The following RAD21L1 variants were observed in gnomAD, a reference collection of about 807,000 sequenced individuals.
RAD21L1 encodes RAD21 cohesin complex component like 1, also known as double-strand-break repair protein rad21-like protein 1.
A neutral mutation model predicts 69.0 loss-of-function variants in RAD21L1; 47 were observed. The ratio of observed to expected loss-of-function variants is 0.68; its 90% CI spans 0.54 to 0.87. RAD21L1 has a LOEUF of 0.87. Ranked by LOEUF, RAD21L1 falls within the 40% of genes least tolerant of loss-of-function variation. The pLI is 0.00. For missense variants in RAD21L1, 583 were observed against 647.6 expected (o/e 0.90, Z 1.08); for synonymous variants, 177 against 205.8 (o/e 0.86, Z 1.20).
Position 1,243,094 on chromosome 20 carries a change from C to T in RAD21L1, c.1084-3C>T, listed in dbSNP as rs1301162230. 3 of 1,499,862 alleles carry T rather than the reference C, an allele frequency of 2.0e-6. No individual in the cohort carries two copies. Among genetic ancestry groups the T allele is most frequent in the Non-Finnish European group, 2.7e-6 (3 of 1,119,838 alleles). 92.9% of individuals were successfully genotyped at this position (1,499,862 alleles called of 1,614,324 possible). A position where few individuals can be genotyped will look rare whatever the true frequency, so the allele number is the denominator to read the frequency against. On this transcript the variant is annotated splice_polypyrimidine_tract_variant and splice_region_variant and intron_variant, in intron 9 of 13. Transcript: ENST00000683101. ...AAAAAAACAAAAATGTGTATTTTTA[C>T]AGTTGTTTACAAAATGCTTTCTGTC...
chr20:1,237,786 A>C (rs2087530381), intron 5 of RAD21L1, among the ~76,000 whole-genome samples: 1 of 152,180 alleles, frequency 6.6e-6, no homozygotes, highest in African/African-American at 2.4e-5. Flanking sequence ...AAGTTATTAA[A>C]CTATATCACA....
intron 13 of RAD21L1, among the ~76,000 whole-genome samples, chr20:1,250,011 C>T (rs1480141882): frequency 1.5e-5 from 2 of 133,624 alleles, no homozygotes; most frequent in Admixed American, 7.7e-5. Context: ...CCCCCTCCCC[C>T]GACCCCATGA....
At chr20:1,249,528 C>T (rs2087784547) in intron 13 of RAD21L1, among the ~76,000 whole-genome samples, 2 of 152,152 alleles carry the variant, frequency 1.3e-5, no homozygotes, top group South Asian at 4.1e-4. Flanking sequence ...TTCTCAAGAT[C>T]CAAAATGGCT....
At position 1,254,310 on chromosome 20, in the gene RAD21L1, G is replaced by A. The variant is rs1482831769; in HGVS notation, c.1521G>A (p.Lys507=). ...KMGMQSFSLM[K]LCRNSDRKQA... ...GAATGCAGTCCTTTAGTCTGATGAAGCTCTGTAGAAATAGTGACCGAAAAC... is the reference window on the plus strand; with the variant it reads ...GAATGCAGTCCTTTAGTCTGATGAAACTCTGTAGAAATAGTGACCGAAAAC... The change falls in exon 14 of 14, where the codon AAG becomes AAA. Residue 507 remains lysine, a synonymous_variant. Coordinates refer to ENST00000683101, the MANE Select transcript of RAD21L1 (RefSeq NM_001384355.1). The A allele has an allele frequency of 8.4e-6, 13 of 1,550,484 alleles. No homozygotes were observed. The highest frequency in any genetic ancestry group is 1.0e-5 in the Non-Finnish European group (12 of 1,146,506).
intron 4 of RAD21L1, among the ~76,000 whole-genome samples, 200 bp from the exon 5 acceptor site, chr20:1,233,880 AATAAG>A (rs1205269202): frequency 1.3e-5 from 2 of 152,210 alleles, no homozygotes; most frequent in East Asian, 3.8e-4. Context: ...TGTTTGTGCA[AATAAG>A]ATAAGGGACT....
chr20:1,248,328 C>G (rs1012813655), intron 12 of RAD21L1, among the ~76,000 whole-genome samples: 1 of 152,058 alleles, frequency 6.6e-6, no homozygotes. Context: ...GCTAATTTTG[C>G]TTTTCAAAGT....
At chr20:1,238,310 A>G (rs2087540881) in intron 6 of RAD21L1, 96 bp downstream of exon 6, 1 of 951,654 alleles carries the variant, frequency 1.1e-6, no homozygotes, top group Non-Finnish European at 1.5e-6. Flanking sequence ...AATTTCAAAT[A>G]TGTTTTTGTG....
chr20:1,231,754 G>A (rs2087395651), intron 4 of RAD21L1, 135 bp downstream of exon 4: 2 of 574,868 alleles, frequency 3.5e-6, no homozygotes, highest in Non-Finnish European at 6.1e-6. Context: ...CTTATATTTG[G>A]TATAAACTCC....
At chr20:1,227,750 GTTC>G (rs1166424139) in intron 1 of RAD21L1, among the ~76,000 whole-genome samples, 1 of 151,920 alleles carries the variant, frequency 6.6e-6, no homozygotes, top group Non-Finnish European at 1.5e-5. Context: ...TTCTTTTATC[GTTC>G]TTATTTCAAA....
At chr20:1,228,907 C>G (rs1202988581) in intron 2 of RAD21L1, among the ~76,000 whole-genome samples, 1 of 152,062 alleles carries the variant, frequency 6.6e-6, no homozygotes, top group Non-Finnish European at 1.5e-5. Context: ...ATAAGCATCT[C>G]TTAGAAAATA....
At chr20:1,245,397 G>C (rs946252321) in intron 11 of RAD21L1, among the ~76,000 whole-genome samples, 3 of 152,044 alleles carry the variant, frequency 2.0e-5, no homozygotes, top group Non-Finnish European at 4.4e-5. Context: ...AATACTCATA[G>C]AAATTGAAAG....
At chr20:1,244,227 G>A in intron 11 of RAD21L1, 57 bp downstream of exon 11, 3 of 1,182,024 alleles carry the variant, frequency 2.5e-6, no homozygotes, top group Non-Finnish European at 3.5e-6. Flanking sequence ...TACAGTAAAG[G>A]AATGTTGGGA....
intron 7 of RAD21L1, among the ~76,000 whole-genome samples, chr20:1,239,984 AT>A (rs11311864): frequency 0.051 from 7,712 of 151,698 alleles, 247 homozygotes; most frequent in South Asian, 0.096. Context: ...ACAGAATAGA[AT>A]TTTTTTTTAG....
chr20:1,236,792 AT>A (rs35816386), intron 5 of RAD21L1, among the ~76,000 whole-genome samples: 2,783 of 152,358 alleles, frequency 0.018, 57 homozygotes, highest in Middle Eastern at 0.11. Context: ...AATATTTAAA[AT>A]TAATCCATCT....
At chr20:1,251,525 T>C (rs1388125271) in intron 13 of RAD21L1, among the ~76,000 whole-genome samples, 4 of 152,030 alleles carry the variant, frequency 2.6e-5, no homozygotes, top group African/African-American at 4.8e-5. Flanking sequence ...AAGGTCCCAC[T>C]GTGTTGCTCA....
At chr20:1,228,674 C>G (rs2087316971) in intron 2 of RAD21L1, 77 bp downstream of exon 2, 14 of 1,002,658 alleles carry the variant, frequency 1.4e-5, no homozygotes, top group Non-Finnish European at 1.8e-5. Context: ...ACACTTATAT[C>G]ATGAAATACA....
At chr20:1,229,368 G>A (rs999619781) in intron 2 of RAD21L1, among the ~76,000 whole-genome samples, 1 of 152,094 alleles carries the variant, frequency 6.6e-6, no homozygotes, top group African/African-American at 2.4e-5. Context: ...AAAGCTCTTA[G>A]GACAATGCCT....
chr20:1,249,958 A>G (rs1292566974), intron 13 of RAD21L1, among the ~76,000 whole-genome samples: 1 of 150,042 alleles, frequency 6.7e-6, no homozygotes, highest in East Asian at 2.0e-4. Context: ...TGCACCCATT[A>G]ACTCGTCATT....
At position 1,248,681 on chromosome 20, in the gene RAD21L1, T is replaced by G; in HGVS notation, c.1457T>G (p.Leu486Arg). 2.0e-6 allele frequency: 3 copies of G among 1,532,618 alleles called. No homozygotes were observed. The highest frequency in any genetic ancestry group is 1.8e-6 in the Non-Finnish European group (2 of 1,134,266). The allele number at this position is 1,532,618 out of a possible 1,614,324, so 94.9% of individuals were successfully genotyped here. A position where few individuals can be genotyped will look rare whatever the true frequency, so the allele number is the denominator to read the frequency against. Residue 486 changes from leucine to arginine, a missense_variant, in exon 13 of 14, where the codon CTT (leucine) becomes CGT (arginine). Coordinates refer to ENST00000683101, the MANE Select transcript of RAD21L1 (RefSeq NM_001384355.1). ...ACAGAGAGATGGAATGGAAGAATAC[T>G]TCAGATGTTAAATCGTTTACGGGTG... ...IETERWNGRI[L>R]QMLNRLRESN...
Sources: allele counts gnomAD v4.1 joint callset (sites outside exome capture counted in the v4.1 genomes callset), GRCh38; gene constraint gnomAD v4.1.1; transcripts MANE v1.5; gene names NCBI Gene and HGNC (gene_info 2026-07-23, HGNC 2026-07-21).